The following STXBP5L variants were observed in gnomAD, a reference collection of about 807,000 sequenced individuals.
The protein encoded by STXBP5L is syntaxin binding protein 5L, also known as syntaxin-binding protein 5-like.
Under a neutral mutation model 144.5 loss-of-function variants are expected in STXBP5L, and 65 were observed. That is an observed-to-expected ratio of 0.45 (90% CI 0.37 to 0.55). The LOEUF (loss-of-function observed/expected upper bound fraction) is 0.55. Among genes scored for constraint, STXBP5L ranks in the 20% least tolerant of loss-of-function variants. STXBP5L has a pLI of 0.00. For missense variants in STXBP5L, 1,298 were observed against 1,405.5 expected (o/e 0.92, Z 1.22); for synonymous variants, 505 against 469.6 (o/e 1.08, Z -0.97).
At chr3:121,334,082 C>T (rs1387985525) in intron 20 of STXBP5L, among the ~76,000 whole-genome samples, 2 of 152,068 alleles carry the variant, frequency 1.3e-5, no homozygotes, top group Non-Finnish European at 2.9e-5. Context: ...GCTTGGTTCT[C>T]ATTATTTCTT....
intron 21 of STXBP5L, 59 bp downstream of exon 21, chr3:121,378,945 G>C: frequency 6.5e-7 from 1 of 1,528,072 alleles, no homozygotes; most frequent in Non-Finnish European, 8.9e-7. Context: ...CAATGGTAAT[G>C]GGAACAGAGA....
intron 11 of STXBP5L, among the ~76,000 whole-genome samples, chr3:121,232,207 T>C (rs1028546729): frequency 6.6e-6 from 1 of 152,044 alleles, no homozygotes; most frequent in African/African-American, 2.4e-5. Flanking sequence ...AGTTCCAAGT[T>C]CCCAGTCAAG....
chr3:120,971,751 A>T (rs1940286432), intron 3 of STXBP5L, among the ~76,000 whole-genome samples: 1 of 147,670 alleles, frequency 6.8e-6, no homozygotes, highest in Admixed American at 7.0e-5. Flanking sequence ...TATATATATC[A>T]CATTTTATAT....
rs2044475002 is a variant in STXBP5L at position 121,121,722 on chromosome 3, TTTA to T, written c.669+25_669+27del. 2.4e-5 allele frequency: 38 copies of T among 1,555,622 alleles called. No individual in the cohort carries two copies. Among genetic ancestry groups the T allele is most frequent in the Non-Finnish European group, 3.1e-5 (35 of 1,132,686 alleles). The stretch of plus-strand genomic sequence containing the variant: ...AAGGCAAAGTGAGTATTATGATATC[TTTA>T]TTATTAGTTTTATTTTCCTCATTCT... On this transcript the variant is annotated intron_variant, in intron 7 of 26. Coordinates refer to ENST00000471454, the MANE Select transcript of STXBP5L (RefSeq NM_001308330.2).
intron 5 of STXBP5L, among the ~76,000 whole-genome samples, chr3:121,092,419 C>T (rs2042860634): frequency 6.6e-6 from 1 of 152,084 alleles, no homozygotes; most frequent in African/African-American, 2.4e-5. Flanking sequence ...AATGTTCTTC[C>T]ATTTGTTTGT....
intron 10 of STXBP5L, among the ~76,000 whole-genome samples, chr3:121,219,103 T>G (rs1296099379): frequency 6.6e-6 from 1 of 152,202 alleles, no homozygotes; most frequent in Non-Finnish European, 1.5e-5. Flanking sequence ...TGATAATTAC[T>G]GTCATCCCAC....
At chr3:121,194,428 T>C (rs2047836905) in intron 9 of STXBP5L, among the ~76,000 whole-genome samples, 1 of 79,278 alleles carries the variant, frequency 1.3e-5, no homozygotes, top group Admixed American at 1.3e-4. Flanking sequence ...TCAGTGCTTT[T>C]TGAGGCCTAG....
In STXBP5L at chr3:121,183,984, A is replaced by G. The variant is rs1290669123; in HGVS notation, c.878-21939A>G. Among the ~76,000 whole-genome samples, 3 of 152,162 alleles carry G rather than the reference A, an allele frequency of 2.0e-5. No individual in the cohort carries two copies. In the East Asian group the frequency reaches 5.8e-4, roughly 30 times the overall value. ...TGGAGAAGAGGGGCCTGGCTGTTAG[A>G]AGGAAAACTACAAGCAGAAAGGAAT... On this transcript the variant is annotated intron_variant, in intron 9 of 26. Coordinates refer to ENST00000471454, the MANE Select transcript of STXBP5L (RefSeq NM_001308330.2).
chr3:121,343,097 G>A (rs944390796), intron 20 of STXBP5L, among the ~76,000 whole-genome samples: 1 of 152,180 alleles, frequency 6.6e-6, no homozygotes, highest in East Asian at 1.9e-4. Flanking sequence ...CTGATAGCCA[G>A]TGATGGTGAG....
At chr3:121,086,169 G>T (rs1280291723) in intron 5 of STXBP5L, among the ~76,000 whole-genome samples, 2 of 152,034 alleles carry the variant, frequency 1.3e-5, no homozygotes, top group East Asian at 3.9e-4. Flanking sequence ...ACCCAAGATG[G>T]ATTAAAGACT....
intron 3 of STXBP5L, among the ~76,000 whole-genome samples, chr3:120,982,837 T>A (rs963229296): frequency 1.4e-4 from 21 of 152,164 alleles, no homozygotes; most frequent in African/African-American, 4.8e-5. Flanking sequence ...TCCAGGCCCC[T>A]AGATGGCCCC....
At chr3:121,136,903 T>A (rs1182016805) in intron 7 of STXBP5L, among the ~76,000 whole-genome samples, 3 of 152,140 alleles carry the variant, frequency 2.0e-5, no homozygotes, top group Non-Finnish European at 4.4e-5. Context: ...TAGCTATTTT[T>A]AAAAATGAGG....
intron 2 of STXBP5L, among the ~76,000 whole-genome samples, chr3:120,935,307 C>T (rs764601711): frequency 1.3e-5 from 2 of 151,622 alleles, no homozygotes; most frequent in Non-Finnish European, 2.9e-5. Flanking sequence ...TTCCTCCTGT[C>T]CTTTATAACT....
rs2046255789 is a variant in STXBP5L at position 121,378,806 on chromosome 3, G to T, written c.2267G>T (p.Arg756Leu). Residue 756 changes from arginine to leucine, a missense_variant, in exon 21 of 27, where the codon CGC becomes CTC. By Grantham distance (102) the Arg-to-Leu change is moderately radical (BLOSUM62 -2). Coordinates refer to ENST00000471454, the MANE Select transcript of STXBP5L (RefSeq NM_001308330.2). ...AGTGCCGATGTTTCAAAAGTAAATCGCTGGGGTCCTGGAAGACCACCATTT... is the reference window on the plus strand; with the variant it reads ...AGTGCCGATGTTTCAAAAGTAAATCTCTGGGGTCCTGGAAGACCACCATTT... ...LSSADVSKVN[R>L]WGPGRPPFRK... 1 of 1,613,652 alleles carries T rather than the reference G, an allele frequency of 6.2e-7. No individual in the cohort carries two copies. Among genetic ancestry groups the T allele is most frequent in the Non-Finnish European group, 8.5e-7 (1 of 1,179,808 alleles).
chr3:121,391,410 T>C (rs143830372), intron 22 of STXBP5L, among the ~76,000 whole-genome samples: 162 of 152,344 alleles, frequency 1.1e-3, no homozygotes, highest in African/African-American at 3.8e-3. Flanking sequence ...AGTCATTCTC[T>C]GTCCAGCTTT....
chr3:121,193,642 A>G (rs1182846362), intron 9 of STXBP5L, among the ~76,000 whole-genome samples: 1 of 152,250 alleles, frequency 6.6e-6, no homozygotes, highest in East Asian at 1.9e-4. Flanking sequence ...CTATGCAGCC[A>G]TAAAAAAGGA....
intron 18 of STXBP5L, among the ~76,000 whole-genome samples, chr3:121,275,669 C>T (rs2050859110): frequency 6.6e-6 from 1 of 152,004 alleles, no homozygotes; most frequent in African/African-American, 2.4e-5. Flanking sequence ...TGTCTATTTT[C>T]CCTTTCAGTT....
At chr3:121,125,053 CT>C (rs2044643071) in intron 7 of STXBP5L, among the ~76,000 whole-genome samples, 1 of 152,072 alleles carries the variant, frequency 6.6e-6, no homozygotes, top group South Asian at 2.1e-4. Context: ...AATAGATTTT[CT>C]AACTTTAAAC....
intron 3 of STXBP5L, among the ~76,000 whole-genome samples, chr3:120,998,347 C>G (rs1401366978): frequency 6.6e-6 from 1 of 152,008 alleles, no homozygotes; most frequent in African/African-American, 2.4e-5. Context: ...AATCTGTGCC[C>G]CAAAGGTCCT....
Sources: gnomAD v4.1 joint callset for allele counts (sites outside exome capture counted in the v4.1 genomes callset) on GRCh38, gnomAD v4.1.1 for gene constraint, MANE v1.5 for transcripts, NCBI Gene and HGNC (gene_info 2026-07-23, HGNC 2026-07-21) for gene names.